Variants in OSBPL7 observed in about 807,000 individuals in gnomAD.
The protein encoded by OSBPL7 is oxysterol binding protein like 7, also known as oxysterol-binding protein-related protein 7.
Under a neutral mutation model 115.8 loss-of-function variants are expected in OSBPL7, and 66 were observed. The observed-to-expected ratio is 0.57, with a 90% CI of 0.47 to 0.70. OSBPL7 has a LOEUF of 0.70. Ranked by LOEUF, OSBPL7 falls within the 30% of genes least tolerant of loss-of-function variation. The probability of loss-of-function intolerance (pLI) is 0.00; values close to 1 mark genes in which losing one functional copy is unlikely to be tolerated. For missense variants in OSBPL7, 902 were observed against 1,125.5 expected, an observed-to-expected ratio of 0.80 and a Z score of 2.84; for synonymous variants, 441 against 439.2, an observed-to-expected ratio of 1.00 and a Z score of -0.05.
At chr17:47,810,435 T>C (rs2033002958) in intron 18 of OSBPL7, among the ~76,000 whole-genome samples, 159 bp downstream of exon 18, 2 of 152,154 alleles carry the variant, frequency 1.3e-5, no homozygotes, top group African/African-American at 4.8e-5. Context: ...GCAACTGCTG[T>C]AAATATAGGT....
rs1018017457 is a variant in OSBPL7 at position 47,816,464 on chromosome 17, C to T, written c.947G>A (p.Ser316Asn). Residue 316 changes from serine to asparagine, a missense_variant, in exon 11 of 23, where the codon AGC (serine) becomes AAC (asparagine). By Grantham distance (46) the Ser-to-Asn change is conservative. Around this residue, in one of 3 missense-constraint regions of OSBPL7, gnomAD observed 667 missense variants for 788.7 expected, o/e 0.85. Transcript: ENST00000007414. This position sits in a 1 kb window ranked among gnomAD's most constrained non-coding sequence, Gnocchi z 5.8. ...LAQKVHSSLS[S>N]VLAALTMERD... ...TTCCATGGTGAGGGCGGCCAGGACG[C>T]TGCTGAGGGAGCTGTGCACTACAGG... 9.7e-6 allele frequency: 15 copies of T among 1,545,534 alleles called. No homozygotes were observed. In the Admixed American group the frequency reaches 1.4e-4, roughly 14 times the overall value.
rs1446116017 is a variant in OSBPL7, at chr17:47,809,586, C to G, written c.1881-108G>C. On this transcript the variant is annotated intron_variant, in intron 18 of 22. Transcript: ENST00000007414. ...GTCATGTGGGCCTGTGACAGGAACC[C>G]TGGGGTCCCAACTCCAGTTCTGCAG... The G allele has an allele frequency of 6.8e-6, 9 of 1,314,638 alleles. No individual in the cohort carries two copies. In the East Asian group the frequency reaches 2.1e-4, roughly 31 times the overall value. 81.4% of individuals were successfully genotyped at this position (1,314,638 alleles called of 1,614,324 possible).
In OSBPL7 at chr17:47,819,722, G is replaced by C. The variant is rs199521405; in HGVS notation, c.255+7C>G. The C allele has an allele frequency of 4.0e-3, 6,431 of 1,614,042 alleles. 16 individuals are homozygous for C. The highest frequency in any genetic ancestry group is 4.6e-3 in the Middle Eastern group (28 of 6,058). On this transcript the variant is annotated splice_region_variant and intron_variant, in intron 4 of 22. Coordinates refer to ENST00000007414, the MANE Select transcript of OSBPL7 (RefSeq NM_145798.3). Reference sequence around the variant, plus strand: ...TCCCACAACCCCAAGCCACTGCCCGGGCTCACGTCTTGCCGGGTTGTTGCA... The same window carrying C: ...TCCCACAACCCCAAGCCACTGCCCGCGCTCACGTCTTGCCGGGTTGTTGCA...
At position 47,816,979 on chromosome 17, in the gene OSBPL7, G is replaced by A. The variant is rs958872652; in HGVS notation, c.703-107C>T. ...GGCCTCCTGCGCCATGGAGGAGGGC[G>A]CAGATTACCCAGCACAGAGGATGCG... is the stretch of plus-strand genomic sequence containing the variant. On this transcript the variant is annotated intron_variant, in intron 8 of 22. Transcript: ENST00000007414. This position sits in a 1 kb window ranked among gnomAD's most constrained non-coding sequence, Gnocchi z 5.8. 1.4e-5 allele frequency: 15 copies of A among 1,101,982 alleles called. No individual in the cohort carries two copies. The highest frequency in any genetic ancestry group is 6.1e-5 in the African/African-American group (4 of 65,142). 68.3% of individuals were successfully genotyped at this position (1,101,982 alleles called of 1,614,324 possible).
intron 1 of OSBPL7, 87 bp from the exon 2 acceptor site, chr17:47,820,452 G>A (rs2033365164): frequency 1.6e-6 from 1 of 621,504 alleles, no homozygotes; most frequent in Non-Finnish European, 2.8e-6. Flanking sequence ...TGAGATAAGG[G>A]CTCCCCAACA....
At chr17:47,819,661 C>T in intron 4 of OSBPL7, 68 bp downstream of exon 4, 2 of 1,584,126 alleles carry the variant, frequency 1.3e-6, no homozygotes, top group South Asian at 1.1e-5. Flanking sequence ...TTCCAGATAC[C>T]CCATGCCTGC....
chr17:47,810,696 G>A, intron 17 of OSBPL7, 24 bp from the exon 18 acceptor site: 2 of 1,613,106 alleles, frequency 1.2e-6, no homozygotes, highest in Non-Finnish European at 1.7e-6. Context: ...AGGGGAGGGA[G>A]AGTGAACAAC....
chr17:47,818,407 C>G (rs1340288492), intron 6 of OSBPL7, 21 bp from the exon 7 acceptor site: 2 of 1,608,436 alleles, frequency 1.2e-6, no homozygotes, highest in Admixed American at 1.7e-5. Flanking sequence ...AGCCCAGGGT[C>G]AGGAAGGATG....
chr17:47,810,703 C>A (rs2033013563), intron 17 of OSBPL7, 31 bp from the exon 18 acceptor site: 1 of 1,613,200 alleles, frequency 6.2e-7, no homozygotes, highest in South Asian at 1.1e-5. Flanking sequence ...GGAGAGTGAA[C>A]AACAGAGATA....
Position 47,816,728 on chromosome 17 carries a change from G to T in OSBPL7, c.796-33C>A. The T allele has an allele frequency of 6.2e-7, 1 of 1,614,028 alleles. No homozygotes were observed. On this transcript the variant is annotated intron_variant, in intron 9 of 22. Transcript: ENST00000007414. This position sits in a 1 kb window ranked among gnomAD's most constrained non-coding sequence, Gnocchi z 5.8. ...TGAAGGGGAAGGGCTGAAGGGGCCG[G>T]CCTCCTTAGAGCATCCTGCCCCAGC...
In OSBPL7 at chr17:47,816,627, G is replaced by T. The variant is rs1164369176; in HGVS notation, c.864C>A (p.Thr288=). The T allele has an allele frequency of 6.2e-7, 1 of 1,613,856 alleles. No homozygotes were observed. The highest frequency in any genetic ancestry group is 1.3e-5 in the African/African-American group (1 of 74,922). Residue 288 remains threonine (T), a synonymous_variant, in exon 10 of 23, where the codon ACC becomes ACA. Transcript: ENST00000007414. The surrounding 1 kb of genome is among the most constrained non-coding windows in gnomAD (Gnocchi z 5.8). ...CATAGTCTGTGGGTGGCAGCCCACG[G>T]GTGCCCGAGGAGTCCCGAGACTCCA... The part of the protein sequence containing the change: ...RYLESRDSSG[T]RGLPPTDYAH...
At chr17:47,814,130 C>T (rs916866247) in intron 14 of OSBPL7, among the ~76,000 whole-genome samples, 3 of 152,224 alleles carry the variant, frequency 2.0e-5, no homozygotes, top group Non-Finnish European at 4.4e-5. Context: ...CTTTTGTTCC[C>T]TTTATAAACA....
At position 47,813,275 on chromosome 17, in the gene OSBPL7, G is replaced by C; in HGVS notation, c.1728C>G (p.Ile576Met). ...CERPDRGFRF[I>M]SEQVSHHPPI... is the part of the protein sequence containing the mutation. ...TCTCCCAAGGCCATACCTGCTCACT[G>C]ATGAAGCGGAAGCCTCGGTCAGGCC... is the stretch of plus-strand genomic sequence containing the variant. Residue 576 changes from isoleucine (I) to methionine (M), a missense_variant, in exon 16 of 23, where the codon ATC becomes ATG. Transcript: ENST00000007414. 1 of 1,613,986 alleles carries C rather than the reference G, an allele frequency of 6.2e-7. No homozygotes were observed. Among genetic ancestry groups the C allele is most frequent in the Non-Finnish European group, 8.5e-7 (1 of 1,180,032 alleles).
intron 18 of OSBPL7, among the ~76,000 whole-genome samples, 172 bp from the exon 19 acceptor site, chr17:47,809,650 A>C (rs1324934745): frequency 1.3e-5 from 2 of 152,160 alleles, no homozygotes; most frequent in Admixed American, 6.5e-5. Flanking sequence ...AGTGGCCTTC[A>C]CAGAACGTAT....
chr17:47,815,288 G>T lies in OSBPL7; in HGVS notation c.1184C>A (p.Ser395Tyr), dbSNP rs752835836. Residue 395 changes from serine (S) to tyrosine (Y), a missense_variant, in exon 13 of 23, where the codon TCC (serine) becomes TAC (tyrosine). Ser to Tyr is a moderately radical substitution (Grantham distance 144). This residue lies in a region of OSBPL7 where 667 missense variants were observed against 788.7 expected (regional missense o/e 0.85). Transcript: ENST00000007414. ...TPQLSQTSIL[S>Y]LADSHTEFFD... ...GAACTCCGTGTGGGAATCAGCAAGG[G>T]ACAGGATGCTGGTCTGCGATAGCTG... The T allele has an allele frequency of 6.2e-7, 1 of 1,614,032 alleles. No homozygotes were observed. Among genetic ancestry groups the T allele is most frequent in the Non-Finnish European group, 8.5e-7 (1 of 1,180,006 alleles).
chr17:47,819,038 T>C lies in OSBPL7; in HGVS notation c.317A>G (p.Lys106Arg), dbSNP rs2033316840. 4 of 1,614,118 alleles carry C rather than the reference T, an allele frequency of 2.5e-6. No homozygotes were observed. The highest frequency in any genetic ancestry group is 3.4e-6 in the Non-Finnish European group (4 of 1,180,008). ...DVRLSVMSINKKAQRIDLDTE... is the reference protein window; with the variant it reads ...DVRLSVMSINRKAQRIDLDTE... ...GTCAAGGTCAATGCGCTGGGCCTTT[T>C]TGTTGATGGACATGACCGACAGCCG... The change falls in exon 5 of 23, where the codon AAA (lysine) becomes AGA (arginine). Residue 106 changes from lysine (K) to arginine (R), a missense_variant. Coordinates refer to ENST00000007414, the MANE Select transcript of OSBPL7 (RefSeq NM_145798.3).
In OSBPL7 at chr17:47,816,352, C is replaced by A; in HGVS notation, c.1023+36G>T. 1 of 1,488,036 alleles carries A rather than the reference C, an allele frequency of 6.7e-7. No individual in the cohort carries two copies. The highest frequency in any genetic ancestry group is 1.4e-5 in the South Asian group (1 of 73,576). 92.2% of individuals were successfully genotyped at this position (1,488,036 alleles called of 1,614,324 possible). A position where few individuals can be genotyped will look rare whatever the true frequency, so the allele number is the denominator to read the frequency against. On this transcript the variant is annotated intron_variant, in intron 11 of 22. Transcript: ENST00000007414. The surrounding 1 kb of genome is among the most constrained non-coding windows in gnomAD (Gnocchi z 5.8). ...CTGGCAGTCCTCAGCTTGAAGCCCT[C>A]TCCCCGCACCAGTCACCCTGTCCCC...
intron 5 of OSBPL7, 96 bp from the exon 6 acceptor site, chr17:47,818,712 C>A: frequency 9.1e-7 from 1 of 1,097,160 alleles, no homozygotes; most frequent in Non-Finnish European, 1.3e-6. Context: ...CAAGCAGGGT[C>A]TCTTCTTACA....
At chr17:47,813,114 G>A (rs918854996) in intron 16 of OSBPL7, 152 bp downstream of exon 16, 12 of 1,038,218 alleles carry the variant, frequency 1.2e-5, no homozygotes, top group African/African-American at 9.7e-5. Flanking sequence ...ACCTCAGAAC[G>A]TGGGCCAGGA....
Sources: allele counts gnomAD v4.1 joint callset (sites outside exome capture counted in the v4.1 genomes callset), GRCh38; gene constraint gnomAD v4.1.1; regional missense constraint gnomAD v4.1.1; non-coding constraint Gnocchi (gnomAD v3.1); transcripts MANE v1.5; gene names NCBI Gene and HGNC (gene_info 2026-07-23, HGNC 2026-07-21).